Variants in ORC4 observed in about 807,000 individuals in gnomAD.
The protein encoded by ORC4 is origin recognition complex subunit 4.
ORC4 carries 55 observed loss-of-function variants against 63.9 expected under a neutral mutation model. The ratio of observed to expected loss-of-function variants is 0.86; its 90% CI spans 0.69 to 1.08. The LOEUF is 1.08. Among genes scored for constraint, ORC4 ranks in the 50% least tolerant of loss-of-function variants. The pLI is 0.00. For synonymous variants in ORC4, 150 were observed against 168.5 expected, an observed-to-expected ratio of 0.89 and a Z score of 0.85; for missense variants, 511 against 504.4, an observed-to-expected ratio of 1.01 and a Z score of -0.13.
chr2:147,972,849 A>T lies in ORC4; in HGVS notation c.135-20T>A. Reference sequence around the variant, plus strand: ...AAGTGTCTAAAATGATATAAATAGGACAAAATTTTAAAAATGAAGCTGGAA... The same window carrying T: ...AAGTGTCTAAAATGATATAAATAGGTCAAAATTTTAAAAATGAAGCTGGAA... On this transcript the variant is annotated intron_variant, in intron 3 of 13. Transcript: ENST00000392857. 6.7e-7 allele frequency: 1 copy of T among 1,497,038 alleles called. No homozygotes were observed. The highest frequency in any genetic ancestry group is 9.3e-7 in the Non-Finnish European group (1 of 1,075,114). The allele number at this position is 1,497,038 out of a possible 1,614,324, so 92.7% of individuals were successfully genotyped here. A position where few individuals can be genotyped will look rare whatever the true frequency, so the allele number is the denominator to read the frequency against.
intron 9 of ORC4, among the ~76,000 whole-genome samples, chr2:147,944,854 A>G (rs547082348): frequency 3.9e-5 from 6 of 152,222 alleles, no homozygotes; most frequent in East Asian, 1.9e-4. Flanking sequence ...TATTATCTTA[A>G]TTATAGTTCC....
At chr2:147,981,262 C>A (rs1690870484) in intron 1 of ORC4, among the ~76,000 whole-genome samples, 1 of 152,132 alleles carries the variant, frequency 6.6e-6, no homozygotes, top group Non-Finnish European at 1.5e-5. Flanking sequence ...AATCTGATAA[C>A]CTAGATGGCT....
intron 1 of ORC4, among the ~76,000 whole-genome samples, chr2:147,980,172 T>A (rs1347885233): frequency 6.6e-6 from 1 of 152,018 alleles, no homozygotes; most frequent in East Asian, 1.9e-4. Context: ...AAATATGTAG[T>A]CGCTCCTCAT....
chr2:147,961,796 A>G (rs1689608955), intron 4 of ORC4, among the ~76,000 whole-genome samples: 1 of 152,358 alleles, frequency 6.6e-6, no homozygotes, highest in South Asian at 2.1e-4. Context: ...CATTTTATTA[A>G]CTGATAAATA....
intron 1 of ORC4, among the ~76,000 whole-genome samples, chr2:147,976,496 C>G (rs1690566899): frequency 6.6e-6 from 1 of 152,114 alleles, no homozygotes; most frequent in Non-Finnish European, 1.5e-5. Flanking sequence ...ACAATACCTC[C>G]AGGCCTGTAT....
At chr2:147,966,877 A>G (rs1271455546) in intron 4 of ORC4, among the ~76,000 whole-genome samples, 1 of 152,204 alleles carries the variant, frequency 6.6e-6, no homozygotes, top group Non-Finnish European at 1.5e-5. Context: ...CTGACATCAA[A>G]ACTAGACAAG....
chr2:147,957,110 T>G (rs1226448935), intron 6 of ORC4, among the ~76,000 whole-genome samples: 1 of 147,802 alleles, frequency 6.8e-6, no homozygotes, highest in Non-Finnish European at 1.5e-5. Flanking sequence ...GATTAATATA[T>G]TATATTAATA....
chr2:148,018,107 C>CA (rs1196537587), intron 1 of ORC4, among the ~76,000 whole-genome samples: 1 of 151,866 alleles, frequency 6.6e-6, no homozygotes, highest in Non-Finnish European at 1.5e-5. Flanking sequence ...AACAAACAAA[C>CA]AAAAAAACCT....
At chr2:147,985,025 C>T (rs1691112681) in intron 1 of ORC4, among the ~76,000 whole-genome samples, 1 of 152,140 alleles carries the variant, frequency 6.6e-6, no homozygotes, top group Non-Finnish European at 1.5e-5. Context: ...TCCTTTACTG[C>T]TCTTGAGGTT....
chr2:148,019,344 C>T (rs905390436), intron 1 of ORC4, among the ~76,000 whole-genome samples: 1 of 152,206 alleles, frequency 6.6e-6, no homozygotes, highest in African/African-American at 2.4e-5. Flanking sequence ...AATCCCAGCA[C>T]TTTGGGAGGC....
intron 4 of ORC4, among the ~76,000 whole-genome samples, chr2:147,959,829 C>CTGAGAAGTGACATTTAA (rs1043924273): frequency 1.3e-5 from 2 of 152,032 alleles, no homozygotes; most frequent in East Asian, 1.9e-4. Flanking sequence ...AATAGCCCAA[C>CTGAGAAGTGACATTTAA]TGAGAAGTGA....
At chr2:147,952,550 T>G in intron 7 of ORC4, 26 bp from the exon 8 acceptor site, 1 of 1,547,836 alleles carries the variant, frequency 6.5e-7, no homozygotes, top group Non-Finnish European at 8.9e-7. Flanking sequence ...AGCATTACAT[T>G]AATAAGAAAT....
chr2:147,962,633 C>T (rs950861753), intron 4 of ORC4, among the ~76,000 whole-genome samples: 3 of 152,092 alleles, frequency 2.0e-5, no homozygotes, highest in African/African-American at 7.2e-5. Context: ...ATCTGGCAGT[C>T]CCACCCAGGG....
intron 10 of ORC4, among the ~76,000 whole-genome samples, chr2:147,942,232 T>C (rs924588762): frequency 1.2e-4 from 18 of 152,134 alleles, no homozygotes; most frequent in Admixed American, 7.9e-4. Context: ...AAAAATGACC[T>C]TTCTATGAAA....
chr2:147,965,079 A>G (rs1689823786), intron 4 of ORC4, among the ~76,000 whole-genome samples: 1 of 152,296 alleles, frequency 6.6e-6, no homozygotes, highest in Non-Finnish European at 1.5e-5. Context: ...ACATCCACAA[A>G]TGCAAAGATG....
At chr2:148,004,275 T>C (rs543323678) in intron 1 of ORC4, among the ~76,000 whole-genome samples, 21 of 152,284 alleles carry the variant, frequency 1.4e-4, no homozygotes, top group South Asian at 6.2e-4. Context: ...AAATTTCATA[T>C]GGAACCAAAA....
intron 1 of ORC4, among the ~76,000 whole-genome samples, chr2:147,979,415 T>C (rs1047585968): frequency 6.6e-6 from 1 of 152,042 alleles, no homozygotes. Context: ...CTGAAAACTA[T>C]ACAATATTGA....
Position 147,972,831 on chromosome 2 carries a change from T to G in ORC4, c.135-2A>C. 6.3e-7 allele frequency: 1 copy of G among 1,582,654 alleles called. No homozygotes were observed. Among genetic ancestry groups the G allele is most frequent in the Non-Finnish European group, 8.7e-7 (1 of 1,151,724 alleles). On this transcript the variant is annotated splice_acceptor_variant, in intron 3 of 13. Transcript: ENST00000392857. LOFTEE classifies it high-confidence loss of function. ...CTTTTCAGCAGCTCACTTAAGTGTC[T>G]AAAATGATATAAATAGGACAAAATT... is the stretch of plus-strand genomic sequence containing the variant.
intron 1 of ORC4, among the ~76,000 whole-genome samples, chr2:147,979,690 C>T (rs1044524534): frequency 7.2e-5 from 11 of 151,874 alleles, no homozygotes; most frequent in African/African-American, 9.7e-5. Context: ...TAGTGCAAAA[C>T]TAAGATAATT....
Sources: allele counts gnomAD v4.1 joint callset (sites outside exome capture counted in the v4.1 genomes callset), GRCh38; gene constraint gnomAD v4.1.1; transcripts MANE v1.5; gene names NCBI Gene and HGNC (gene_info 2026-07-23, HGNC 2026-07-21).